The following TG variants were observed in gnomAD, a reference collection of about 807,000 sequenced individuals.
TG encodes thyroglobulin, also known as thyroid hormones.
Under a neutral mutation model 324.7 loss-of-function variants are expected in TG, and 270 were observed. The observed-to-expected ratio is 0.83, with a 90% CI of 0.75 to 0.92. The LOEUF is 0.92. TG is among the 40% of genes least tolerant of loss of function. The pLI is 0.00. For missense variants in TG, 3,591 were observed against 3,456.4 expected (o/e 1.04, Z -0.98); for synonymous variants, 1,401 against 1,327.0 (o/e 1.06, Z -1.21).
chr8:133,086,928 C>T (rs1447999926), intron 41 of TG, among the ~76,000 whole-genome samples: 1 of 152,072 alleles, frequency 6.6e-6, no homozygotes, highest in Non-Finnish European at 1.5e-5. Flanking sequence ...AACCTAAAAT[C>T]CTAAATGTAA....
chr8:132,886,900 T>G lies in TG; in HGVS notation c.1528T>G (p.Leu510Val). 6.2e-7 allele frequency: 1 copy of G among 1,614,172 alleles called. No homozygotes were observed. Among genetic ancestry groups the G allele is most frequent in the Non-Finnish European group, 8.5e-7 (1 of 1,180,028 alleles). ...FFQQLGLASF[L>V]NGGRQEDLAK... is the part of the protein sequence containing the mutation. ...CCAGCAACTTGGTCTTGCAAGCTTCTTGAATGGAGGGAGACAAGAAGATTT... is the reference window on the plus strand; with the variant it reads ...CCAGCAACTTGGTCTTGCAAGCTTCGTGAATGGAGGGAGACAAGAAGATTT... The change falls in exon 9 of 48, where the codon TTG becomes GTG. Residue 510 changes from leucine (L) to valine (V), a missense_variant. Transcript: ENST00000220616.
intron 41 of TG, among the ~76,000 whole-genome samples, chr8:133,064,582 A>G (rs968596704): frequency 2.0e-5 from 3 of 152,212 alleles, no homozygotes; most frequent in Non-Finnish European, 2.9e-5. Context: ...TCTCCAGCGT[A>G]AGGAACTCTG....
At chr8:132,947,715 T>C (rs999135804) in intron 26 of TG, among the ~76,000 whole-genome samples, 1 of 152,140 alleles carries the variant, frequency 6.6e-6, no homozygotes, top group African/African-American at 2.4e-5. Flanking sequence ...AGATATAAAT[T>C]TATAAATCTG....
chr8:132,982,193 C>T (rs548488348), intron 34 of TG, among the ~76,000 whole-genome samples: 10 of 152,252 alleles, frequency 6.6e-5, no homozygotes, highest in Non-Finnish European at 1.5e-4. Context: ...GACAAGGAAA[C>T]TGAGGACAGA....
intron 27 of TG, among the ~76,000 whole-genome samples, chr8:132,959,821 T>C (rs1827492917): frequency 1.3e-5 from 2 of 152,236 alleles, no homozygotes; most frequent in African/African-American, 4.8e-5. Flanking sequence ...TTGTGCAAGC[T>C]TGTCCAGTCC....
intron 3 of TG, 74 bp from the exon 4 acceptor site, chr8:132,871,274 C>A: frequency 6.7e-7 from 1 of 1,496,646 alleles, no homozygotes; most frequent in Non-Finnish European, 9.3e-7. Context: ...GGGAAGGGAG[C>A]ATGAGTTTTC....
intron 45 of TG, among the ~76,000 whole-genome samples, chr8:133,119,499 C>T (rs1306027770): frequency 6.6e-6 from 1 of 152,170 alleles, no homozygotes; most frequent in Non-Finnish European, 1.5e-5. Flanking sequence ...TAGTAGGGAG[C>T]TCGCTGACTG....
chr8:132,892,802 G>A (rs1022187469), intron 10 of TG, among the ~76,000 whole-genome samples: 2 of 149,440 alleles, frequency 1.3e-5, no homozygotes, highest in Non-Finnish European at 3.0e-5. Context: ...TATGAGTGTG[G>A]TGTGTGTGTT....
chr8:133,006,559 C>T (rs1486697746), intron 35 of TG, among the ~76,000 whole-genome samples: 5 of 152,134 alleles, frequency 3.3e-5, no homozygotes, highest in Non-Finnish European at 4.4e-5. Context: ...AGAGGAGGCC[C>T]GTAAATAGTT....
chr8:133,065,461 T>TG (rs1842909741), intron 41 of TG, among the ~76,000 whole-genome samples: 1 of 152,166 alleles, frequency 6.6e-6, no homozygotes, highest in Non-Finnish European at 1.5e-5. Flanking sequence ...AACAGAAAAG[T>TG]GATTTTTAAA....
chr8:133,008,979 C>T lies in TG; in HGVS notation c.6263-2922C>T, dbSNP rs2130872492. The stretch of plus-strand genomic sequence containing the variant: ...GACCTCCCAGATGTTGGATTCTGCA[C>T]AAAAGCAGTGACTCATCCAGGGGTT... On this transcript the variant is annotated intron_variant, in intron 35 of 47. Transcript: ENST00000220616. Among the ~76,000 whole-genome samples the T allele has an allele frequency of 2.0e-5, 3 of 152,298 alleles. 1 individual carries two copies. The Middle Eastern group carries it at 0.01, about 518-fold the overall frequency.
intron 41 of TG, among the ~76,000 whole-genome samples, chr8:133,036,082 G>A (rs944186030): frequency 2.0e-5 from 3 of 152,122 alleles, no homozygotes; most frequent in Non-Finnish European, 4.4e-5. Flanking sequence ...CTGCCTGCAG[G>A]AATTGCCCCA....
At chr8:132,901,030 C>T (rs1817847060) in intron 15 of TG, among the ~76,000 whole-genome samples, 1 of 152,246 alleles carries the variant, frequency 6.6e-6, no homozygotes, top group Admixed American at 6.5e-5. Flanking sequence ...GCTGGCCTCT[C>T]TCTTCCTCTG....
chr8:133,085,787 G>A (rs542283746), intron 41 of TG, among the ~76,000 whole-genome samples: 20 of 152,156 alleles, frequency 1.3e-4, no homozygotes, highest in East Asian at 1.9e-4. Flanking sequence ...AAAATAATGC[G>A]GCCACTTTGA....
intron 41 of TG, among the ~76,000 whole-genome samples, chr8:133,071,752 C>T (rs1437872243): frequency 1.3e-5 from 2 of 152,122 alleles, no homozygotes; most frequent in Non-Finnish European, 2.9e-5. Flanking sequence ...TACACTTGGT[C>T]CCCTCTCTTC....
chr8:133,003,041 C>A, intron 35 of TG: 1 of 1,061,138 alleles, frequency 9.4e-7, no homozygotes, highest in Non-Finnish European at 1.1e-6. Flanking sequence ...GAGAACATAC[C>A]AGGTACCTCT....
intron 27 of TG, among the ~76,000 whole-genome samples, chr8:132,953,645 T>A (rs1826424471): frequency 6.6e-6 from 1 of 152,166 alleles, no homozygotes; most frequent in Non-Finnish European, 1.5e-5. Context: ...GGAGGCTATT[T>A]TTATCTAATT....
At chr8:133,047,668 A>G (rs1210642033) in intron 41 of TG, 4 of 643,038 alleles carry the variant, frequency 6.2e-6, no homozygotes, top group Non-Finnish European at 8.6e-6. Flanking sequence ...TTGCTTCCCC[A>G]CTGGCCTCCC....
At position 132,911,535 on chromosome 8, in the gene TG, T is replaced by C. The variant is rs1325979403; in HGVS notation, c.4159+2T>C. 2 of 1,610,300 alleles carry C rather than the reference T, an allele frequency of 1.2e-6. No individual in the cohort carries two copies. The highest frequency in any genetic ancestry group is 1.7e-6 in the Non-Finnish European group (2 of 1,176,612). ...CTCTTCCTGACTTACATGACATTGG[T>C]ATGTTTTTCTGTGGTAGTACCTAGA... On this transcript the variant is annotated splice_donor_variant, in intron 19 of 47. Transcript: ENST00000220616. LOFTEE classifies it high-confidence loss of function.
Sources: allele counts gnomAD v4.1 joint callset (sites outside exome capture counted in the v4.1 genomes callset), GRCh38; gene constraint gnomAD v4.1.1; transcripts MANE v1.5; gene names NCBI Gene and HGNC (gene_info 2026-07-23, HGNC 2026-07-21).